Variants in TBC1D9 observed in about 807,000 individuals in gnomAD.
TBC1D9 encodes the protein TBC1 domain family member 9A.
Under a neutral mutation model 132.0 loss-of-function variants are expected in TBC1D9, and 63 were observed. The observed-to-expected ratio is 0.48, with a 90% CI of 0.39 to 0.59. The LOEUF (loss-of-function observed/expected upper bound fraction) is 0.59. TBC1D9 is among the 20% of genes least tolerant of loss of function. The pLI is 0.00. For synonymous variants in TBC1D9, 610 were observed against 609.9 expected (o/e 1.00, Z 0.00); for missense variants, 1,261 against 1,592.7 (o/e 0.79, Z 3.54).
At chr4:140,672,437 C>T (rs939165037) in intron 6 of TBC1D9, among the ~76,000 whole-genome samples, 2 of 151,948 alleles carry the variant, frequency 1.3e-5, no homozygotes, top group Non-Finnish European at 2.9e-5. Flanking sequence ...TTTTTAAAAT[C>T]CACAAAAGCC....
intron 1 of TBC1D9, among the ~76,000 whole-genome samples, chr4:140,731,392 C>T (rs1410302078): frequency 2.6e-5 from 4 of 152,044 alleles, no homozygotes; most frequent in Non-Finnish European, 5.9e-5. Flanking sequence ...CCTGACTACC[C>T]ATTAAAGAAG....
At chr4:140,664,832 G>A (rs1490913076) in intron 9 of TBC1D9, among the ~76,000 whole-genome samples, 1 of 152,070 alleles carries the variant, frequency 6.6e-6, no homozygotes, top group Admixed American at 6.6e-5. Flanking sequence ...CTCAAGGCCG[G>A]GTGCAGTGGC....
intron 2 of TBC1D9, among the ~76,000 whole-genome samples, chr4:140,696,428 G>A (rs970578714): frequency 8.6e-6 from 1 of 116,130 alleles, no homozygotes; most frequent in Non-Finnish European, 1.6e-5. Flanking sequence ...CTGCACTCCA[G>A]CCTGGAGACA....
At chr4:140,686,033 C>A (rs1737773946) in intron 3 of TBC1D9, among the ~76,000 whole-genome samples, 2 of 152,114 alleles carry the variant, frequency 1.3e-5, no homozygotes. Context: ...ATGATGACTA[C>A]CCCACATACC....
At chr4:140,721,038 G>A (rs1439853035) in intron 1 of TBC1D9, among the ~76,000 whole-genome samples, 1 of 152,170 alleles carries the variant, frequency 6.6e-6, no homozygotes, top group African/African-American at 2.4e-5. Flanking sequence ...GAAGGTTCCC[G>A]GACTTGCACC....
At chr4:140,741,886 A>T (rs1015739991) in intron 1 of TBC1D9, among the ~76,000 whole-genome samples, 26 of 152,168 alleles carry the variant, frequency 1.7e-4, no homozygotes, top group African/African-American at 5.3e-4. Flanking sequence ...AACTCTTCCA[A>T]TCAATTGCCA....
chr4:140,755,115 C>T (rs1738988624), intron 1 of TBC1D9, among the ~76,000 whole-genome samples: 1 of 152,110 alleles, frequency 6.6e-6, no homozygotes, highest in African/African-American at 2.4e-5. Flanking sequence ...TCTGTTCATT[C>T]TAAATAACAC....
At chr4:140,694,392 G>A (rs936010750) in intron 2 of TBC1D9, among the ~76,000 whole-genome samples, 4 of 152,108 alleles carry the variant, frequency 2.6e-5, no homozygotes, top group Non-Finnish European at 4.4e-5. Context: ...GCAGCATGAT[G>A]AAACCTCATC....
chr4:140,684,327 G>A (rs1002160845), intron 3 of TBC1D9, among the ~76,000 whole-genome samples: 1 of 151,988 alleles, frequency 6.6e-6, no homozygotes, highest in Non-Finnish European at 1.5e-5. Flanking sequence ...GGTTGCATCT[G>A]TAGTTAACTA....
intron 1 of TBC1D9, among the ~76,000 whole-genome samples, chr4:140,754,614 CAAAAAAAAAAAAAAAAA>C (rs34471976): frequency 8.6e-5 from 2 of 23,260 alleles, no homozygotes; most frequent in African/African-American, 3.9e-4. Context: ...GACTCTGTCT[CAAAAAAAAAAAAAAAAA>C]AAAAAAAAAA....
intron 3 of TBC1D9, among the ~76,000 whole-genome samples, chr4:140,681,535 G>T (rs548443131): frequency 2.5e-4 from 38 of 152,136 alleles, no homozygotes; most frequent in Admixed American, 2.4e-3. Flanking sequence ...AGCAAATGGT[G>T]GGCTTACGAT....
chr4:140,644,450 C>T (rs1484295435), intron 13 of TBC1D9: 3 of 296,750 alleles, frequency 1.0e-5, no homozygotes, highest in African/African-American at 4.7e-5. Flanking sequence ...GGGGCGATGG[C>T]GGCGGGCTCA....
At chr4:140,653,407 C>G (rs1288548909) in intron 13 of TBC1D9, among the ~76,000 whole-genome samples, 2 of 152,154 alleles carry the variant, frequency 1.3e-5, no homozygotes, top group Non-Finnish European at 2.9e-5. Flanking sequence ...GTGATTAGCC[C>G]CATTCTGCAT....
intron 13 of TBC1D9, chr4:140,641,943 T>G: frequency 2.0e-6 from 1 of 495,878 alleles, no homozygotes; most frequent in Non-Finnish European, 3.7e-6. Context: ...TATTTTGTGT[T>G]TGGAGATAGT....
At position 140,634,200 on chromosome 4, in the gene TBC1D9, T is replaced by C; in HGVS notation, c.2506-12A>G. 1.2e-6 allele frequency: 2 copies of C among 1,608,558 alleles called. No homozygotes were observed. The highest frequency in any genetic ancestry group is 1.7e-6 in the Non-Finnish European group (2 of 1,178,246). On this transcript the variant is annotated splice_polypyrimidine_tract_variant and intron_variant, in intron 15 of 20. Transcript: ENST00000442267. Reference sequence around the variant, plus strand: ...GTGAGATGTTCTGCCTGAAAAAGAATGGATGATCACTGGGGACCCTCTTTT... The same window carrying C: ...GTGAGATGTTCTGCCTGAAAAAGAACGGATGATCACTGGGGACCCTCTTTT...
chr4:140,720,676 C>T (rs910213402), intron 1 of TBC1D9, among the ~76,000 whole-genome samples: 6 of 152,146 alleles, frequency 3.9e-5, no homozygotes, highest in African/African-American at 1.2e-4. Context: ...ATTGGCCATC[C>T]CAGAGAAGAG....
chr4:140,703,528 G>A (rs1738103576), intron 1 of TBC1D9, among the ~76,000 whole-genome samples: 1 of 152,110 alleles, frequency 6.6e-6, no homozygotes, highest in Non-Finnish European at 1.5e-5. Context: ...TCGTTGCTTT[G>A]ATTTCCTCAG....
intron 1 of TBC1D9, among the ~76,000 whole-genome samples, chr4:140,713,600 G>A (rs1738283615): frequency 1.3e-5 from 2 of 151,934 alleles, no homozygotes; most frequent in South Asian, 2.1e-4. Flanking sequence ...TAAGCAAGGT[G>A]TAGTGGTGCA....
At chr4:140,697,292 G>A (rs914547874) in intron 2 of TBC1D9, among the ~76,000 whole-genome samples, 4 of 152,178 alleles carry the variant, frequency 2.6e-5, no homozygotes, top group African/African-American at 9.7e-5. Flanking sequence ...GGAGGTGGGA[G>A]GATCACTCAA....
Sources: allele counts gnomAD v4.1 joint callset (sites outside exome capture counted in the v4.1 genomes callset), GRCh38; gene constraint gnomAD v4.1.1; transcripts MANE v1.5; gene names NCBI Gene and HGNC (gene_info 2026-07-23, HGNC 2026-07-21).